Variants in PRKAG2 observed in about 807,000 individuals in gnomAD.
PRKAG2 encodes the protein protein kinase AMP-activated non-catalytic subunit gamma 2, also known as 5'-AMP-activated protein kinase subunit gamma-2.
PRKAG2 carries 26 observed loss-of-function variants against 69.6 expected under a neutral mutation model. That is an observed-to-expected ratio of 0.37 (90% confidence interval 0.27 to 0.52). The LOEUF (loss-of-function observed/expected upper bound fraction) is 0.52, where lower values mean the gene tolerates loss of function less well. PRKAG2 is among the 20% of genes least tolerant of loss of function. The pLI, the probability that PRKAG2 is intolerant of heterozygous loss-of-function variation, is 0.90. For missense variants in PRKAG2, 557 were observed against 740.0 expected (o/e 0.75, Z 2.87); for synonymous variants, 293 against 285.0 (o/e 1.03, Z -0.28).
intron 4 of PRKAG2, among the ~76,000 whole-genome samples, chr7:151,662,460 A>G (rs965902045): frequency 2.6e-5 from 4 of 152,156 alleles, no homozygotes; most frequent in African/African-American, 9.7e-5. Flanking sequence ...CTGCACTTTT[A>G]TAATGAATTC....
At chr7:151,634,219 A>G (rs1205698946) in intron 4 of PRKAG2, among the ~76,000 whole-genome samples, 1 of 152,242 alleles carries the variant, frequency 6.6e-6, no homozygotes, top group African/African-American at 2.4e-5. Flanking sequence ...AAACATGGCA[A>G]ACCAATTTTT....
chr7:151,833,510 G>A (rs183075393), intron 1 of PRKAG2, among the ~76,000 whole-genome samples: 38 of 152,240 alleles, frequency 2.5e-4, no homozygotes, highest in East Asian at 9.7e-4. Flanking sequence ...TGTGGGTGCC[G>A]CCCTCACCTG....
At chr7:151,579,329 T>A (rs78169561) in intron 6 of PRKAG2, among the ~76,000 whole-genome samples, 6,674 of 152,272 alleles carry the variant, frequency 0.044, 388 homozygotes, top group East Asian at 0.19. Flanking sequence ...GCCAGGGGCA[T>A]CTTTTAAAAG....
chr7:151,719,483 C>T lies in PRKAG2; in HGVS notation c.467-43846G>A, dbSNP rs1278162009. ...CTGCTCCCAGCCAATGCCTAAGCGC[C>T]GGGTGCTGGGTCACCCTGAGACTCT... On this transcript the variant is annotated intron_variant, in intron 3 of 15. Coordinates refer to ENST00000287878, the MANE Select transcript of PRKAG2 (RefSeq NM_016203.4). The surrounding 1 kb of genome is among the most constrained non-coding windows in gnomAD (Gnocchi z 5.2). 1.3e-5 allele frequency among the ~76,000 whole-genome samples: 2 copies of T among 152,096 alleles called. No individual in the cohort carries two copies. The highest frequency in any genetic ancestry group is 2.9e-5 in the Non-Finnish European group (2 of 68,028).
At chr7:151,605,936 CAAA>C (rs560080587) in intron 5 of PRKAG2, among the ~76,000 whole-genome samples, 19,728 of 90,842 alleles carry the variant, frequency 0.22, 1,426 homozygotes, top group East Asian at 0.39. Flanking sequence ...GACTCCGTCT[CAAA>C]AAAAAAAAAA....
rs1382367452 is a variant in PRKAG2, at chr7:151,836,677, G to T, written c.114+39830C>A. On this transcript the variant is annotated intron_variant, in intron 1 of 15. Transcript: ENST00000287878. The surrounding 1 kb of genome is among the most constrained non-coding windows in gnomAD (Gnocchi z 4.1). ...TGCAGCCTTAGCGGGGCACAGGAGG[G>T]CGTGTATGCGGGTCCTCCAGGGTCC... Among the ~76,000 whole-genome samples, 1 of 152,182 alleles carries T rather than the reference G, an allele frequency of 6.6e-6. No homozygotes were observed. The highest frequency in any genetic ancestry group is 2.4e-5 in the African/African-American group (1 of 41,460).
chr7:151,876,135 G>A (rs1269128635), intron 1 of PRKAG2, among the ~76,000 whole-genome samples: 1 of 138,382 alleles, frequency 7.2e-6, no homozygotes, highest in Non-Finnish European at 1.6e-5. Flanking sequence ...CCACCTCCCC[G>A]GAGCGCAGTC....
rs1007288233 is a variant in PRKAG2 at position 151,771,628 on chromosome 7, T to C, written c.466+9524A>G. Among the ~76,000 whole-genome samples, 1 of 152,222 alleles carries C rather than the reference T, an allele frequency of 6.6e-6. No homozygotes were observed. The highest frequency in any genetic ancestry group is 1.5e-5 in the Non-Finnish European group (1 of 68,034). On this transcript the variant is annotated intron_variant, in intron 3 of 15. Coordinates refer to ENST00000287878, the MANE Select transcript of PRKAG2 (RefSeq NM_016203.4). This position sits in a 1 kb window ranked among gnomAD's most constrained non-coding sequence, Gnocchi z 4.0. ...TTCCAAGACTCAGGCCATTGAGTCA[T>C]TCGCTTCACTGGTTTGTAAATATCT...
At chr7:151,757,678 C>G (rs2075175253) in intron 3 of PRKAG2, among the ~76,000 whole-genome samples, 1 of 152,216 alleles carries the variant, frequency 6.6e-6, no homozygotes, top group South Asian at 2.1e-4. Flanking sequence ...AAGAACCCCC[C>G]AAACCAGACT....
chr7:151,841,353 T>C (rs897249393), intron 1 of PRKAG2, among the ~76,000 whole-genome samples: 66 of 151,972 alleles, frequency 4.3e-4, no homozygotes, highest in Non-Finnish European at 7.1e-4. Flanking sequence ...GTAGTAATGA[T>C]AGTGATGGTA....
chr7:151,558,887 T>C lies in PRKAG2; in HGVS notation c.1678+1637A>G, dbSNP rs573852203. The C allele has an allele frequency of 4.9e-5, 48 of 985,386 alleles. No individual in the cohort carries two copies. The South Asian group carries it at 2.0e-3, about 41-fold the overall frequency. 61.0% of individuals were successfully genotyped at this position (985,386 alleles called of 1,614,324 possible). Reference sequence around the variant, plus strand: ...CAGCACAACCGTTCATTCTTATGGTTTGAGATATCAAGAAACAGAGAGGAT... The same window carrying C: ...CAGCACAACCGTTCATTCTTATGGTCTGAGATATCAAGAAACAGAGAGGAT... On this transcript the variant is annotated intron_variant, in intron 15 of 15. Transcript: ENST00000287878.
chr7:151,825,128 G>A (rs1029167425), intron 1 of PRKAG2, among the ~76,000 whole-genome samples: 5 of 152,104 alleles, frequency 3.3e-5, no homozygotes, highest in Non-Finnish European at 7.3e-5. Flanking sequence ...GCAGGAGAAT[G>A]GCTTGAACCC....
At chr7:151,748,803 A>G (rs185564044) in intron 3 of PRKAG2, among the ~76,000 whole-genome samples, 41 of 152,392 alleles carry the variant, frequency 2.7e-4, no homozygotes, top group African/African-American at 9.9e-4. Flanking sequence ...CTCCGTCATC[A>G]GCAGCGGCAA....
Position 151,588,935 on chromosome 7 carries a change from C to G in PRKAG2, c.864+6410G>C, listed in dbSNP as rs572236525. Among the ~76,000 whole-genome samples the G allele has an allele frequency of 9.8e-5, 15 of 152,338 alleles. No homozygotes were observed. The East Asian group carries it at 1.7e-3, about 18-fold the overall frequency. ...ATCTGGAAGGGAAGGGGATGTCCCC[C>G]CTCTCTACTGTGCCAGTCATGAAGT... On this transcript the variant is annotated intron_variant, in intron 6 of 15. Transcript: ENST00000287878.
intron 3 of PRKAG2, among the ~76,000 whole-genome samples, chr7:151,764,578 G>C (rs1037573889): frequency 6.6e-6 from 1 of 152,216 alleles, no homozygotes; most frequent in Non-Finnish European, 1.5e-5. Flanking sequence ...GTGCCTAGAG[G>C]CATCCCAGGA....
chr7:151,599,105 G>A (rs748540312), intron 5 of PRKAG2, among the ~76,000 whole-genome samples: 14 of 151,990 alleles, frequency 9.2e-5, no homozygotes, highest in Non-Finnish European at 1.6e-4. Context: ...TGCATGGCTC[G>A]GCCTCCCAAA....
intron 1 of PRKAG2, among the ~76,000 whole-genome samples, chr7:151,866,861 C>T (rs112718977): frequency 2.0e-5 from 3 of 151,418 alleles, no homozygotes; most frequent in Non-Finnish European, 4.4e-5. Flanking sequence ...CCCCACCCCT[C>T]GCACACACCT....
chr7:151,864,252 G>T (rs1490713616), intron 1 of PRKAG2, among the ~76,000 whole-genome samples: 2 of 152,234 alleles, frequency 1.3e-5, no homozygotes, highest in African/African-American at 2.4e-5. Flanking sequence ...AGCCACAGCA[G>T]CTGACCAGCC....
intron 5 of PRKAG2, among the ~76,000 whole-genome samples, chr7:151,608,018 T>C (rs1817908412): frequency 6.6e-6 from 1 of 152,046 alleles, no homozygotes; most frequent in South Asian, 2.1e-4. Context: ...ACAAGTGTCC[T>C]TATAAGAGAG....
Sources: allele counts gnomAD v4.1 joint callset (sites outside exome capture counted in the v4.1 genomes callset), GRCh38; gene constraint gnomAD v4.1.1; non-coding constraint Gnocchi (gnomAD v3.1); transcripts MANE v1.5; gene names NCBI Gene and HGNC (gene_info 2026-07-23, HGNC 2026-07-21).